FAM20C: variants seen among roughly 807,000 people sequenced by gnomAD.
FAM20C encodes FAM20C golgi associated secretory pathway kinase.
FAM20C carries 40 observed loss-of-function variants against 51.5 expected under a neutral mutation model. The observed-to-expected ratio is 0.78, with a 90% confidence interval of 0.60 to 1.01. The LOEUF (loss-of-function observed/expected upper bound fraction) is 1.01. FAM20C is among the 50% of genes least tolerant of loss of function. The probability of loss-of-function intolerance (pLI) is 0.00; values close to 1 mark genes in which losing one functional copy is unlikely to be tolerated. For missense variants in FAM20C, 861 were observed against 844.7 expected (o/e 1.02, Z -0.24); for synonymous variants, 406 against 380.6 (o/e 1.07, Z -0.78).
chr7:259,556 C>T (rs1193248665), intron 9 of FAM20C, among the ~76,000 whole-genome samples, 175 bp from the exon 10 acceptor site: 2 of 151,642 alleles, frequency 1.3e-5, no homozygotes, highest in Non-Finnish European at 2.9e-5. Flanking sequence ...CTCTTTCTCT[C>T]TGTGTCTCTC....
In FAM20C at chr7:230,379, G is replaced by C. The variant is rs1000190387; in HGVS notation, c.864-16036G>C. On this transcript the variant is annotated intron_variant, in intron 3 of 9. Coordinates refer to ENST00000313766, the MANE Select transcript of FAM20C (RefSeq NM_020223.4). ...CTTGTCCCCAGGACGGGGTGGGGGG[G>C]GGGGGGAACAGATCCCCGTGGCTTA... 1.0e-4 allele frequency among the ~76,000 whole-genome samples: 11 copies of C among 106,354 alleles called. 2 individuals carry two copies. The South Asian group carries it at 1.4e-3, about 13-fold the overall frequency. 69.8% of individuals were successfully genotyped at this position (106,354 alleles called of 152,430 possible).
intron 5 of FAM20C, among the ~76,000 whole-genome samples, chr7:249,915 G>T (rs1296346710): frequency 6.6e-6 from 1 of 152,082 alleles, no homozygotes; most frequent in East Asian, 1.9e-4. Flanking sequence ...GGTCCCCTAT[G>T]TTTCCATCTT....
intron 3 of FAM20C, among the ~76,000 whole-genome samples, chr7:213,404 CCT>C (rs1326381768): frequency 6.6e-6 from 1 of 152,178 alleles, no homozygotes. Context: ...ACTGCGTAGT[CCT>C]TTGTGAGTGA....
chr7:233,586 G>C (rs1787764297), intron 3 of FAM20C, among the ~76,000 whole-genome samples: 1 of 152,166 alleles, frequency 6.6e-6, no homozygotes, highest in Non-Finnish European at 1.5e-5. Context: ...GCTCCTGGAG[G>C]CGCCTGCGTT....
intron 3 of FAM20C, among the ~76,000 whole-genome samples, chr7:218,350 C>T (rs1787099532): frequency 2.0e-5 from 3 of 152,238 alleles, no homozygotes; most frequent in Admixed American, 2.0e-4. Flanking sequence ...AGGGTCCCTC[C>T]GTGTGTCCTG....
At chr7:206,496 C>CAT in intron 2 of FAM20C, among the ~76,000 whole-genome samples, 1 of 151,544 alleles carries the variant, frequency 6.6e-6, no homozygotes, top group South Asian at 2.1e-4. Context: ...GCCCTGCACA[C>CAT]GTGTCCACTG....
At chr7:211,778 G>A (rs1261336432) in intron 3 of FAM20C, among the ~76,000 whole-genome samples, 1 of 152,230 alleles carries the variant, frequency 6.6e-6, no homozygotes, top group East Asian at 1.9e-4. Context: ...CCCGGAAAGG[G>A]AAAGGATACG....
chr7:248,994 A>C (rs959543257), intron 5 of FAM20C, among the ~76,000 whole-genome samples: 2 of 152,246 alleles, frequency 1.3e-5, no homozygotes, highest in Non-Finnish European at 2.9e-5. Flanking sequence ...GCCCACGGAC[A>C]GCTTCAAGGT....
intron 3 of FAM20C, among the ~76,000 whole-genome samples, chr7:226,001 A>T (rs1375726241): frequency 6.6e-6 from 1 of 151,808 alleles, no homozygotes; most frequent in East Asian, 1.9e-4. Flanking sequence ...CTGTCCCCTG[A>T]GCCTTCTCTC....
chr7:249,344 G>A (rs1788305069), intron 5 of FAM20C, among the ~76,000 whole-genome samples: 1 of 152,364 alleles, frequency 6.6e-6, no homozygotes, highest in East Asian at 1.9e-4. Flanking sequence ...AGATGTCTTT[G>A]TTGGTGCTGA....
In FAM20C at chr7:208,942, C is replaced by A; in HGVS notation, c.829C>A (p.Gln277Lys). 6.3e-7 allele frequency: 1 copy of A among 1,585,812 alleles called. No individual in the cohort carries two copies. The highest frequency in any genetic ancestry group is 2.3e-5 in the East Asian group (1 of 43,384). ...GCAGCTGAAGCTCATCATGACCTTCCAGAATTACGGGCAAGCGCTGTTCAA... is the reference window on the plus strand; with the variant it reads ...GCAGCTGAAGCTCATCATGACCTTCAAGAATTACGGGCAAGCGCTGTTCAA... ...GTQLKLIMTF[Q>K]NYGQALFKPM... Residue 277 changes from glutamine to lysine, a missense_variant, in exon 3 of 10, where the codon CAG becomes AAG. Gln to Lys is a moderately conservative substitution (Grantham distance 53). This residue lies in a region of FAM20C where 561 missense variants were observed against 499.8 expected (regional missense o/e 1.12). Transcript: ENST00000313766.
intron 5 of FAM20C, among the ~76,000 whole-genome samples, chr7:251,385 G>A (rs1349298943): frequency 2.0e-5 from 3 of 152,186 alleles, no homozygotes; most frequent in Admixed American, 2.0e-4. Context: ...AGGTCTGGTG[G>A]CATGCATCTG....
At chr7:210,745 G>A (rs1786670837) in intron 3 of FAM20C, among the ~76,000 whole-genome samples, 1 of 152,154 alleles carries the variant, frequency 6.6e-6, no homozygotes, top group Admixed American at 6.5e-5. Context: ...GCGCCAGCTT[G>A]TCCGGCCCCT....
chr7:216,562 C>T (rs1044676860), intron 3 of FAM20C, among the ~76,000 whole-genome samples: 2 of 151,882 alleles, frequency 1.3e-5, no homozygotes, highest in Admixed American at 6.6e-5. Context: ...AATCTTTTCT[C>T]CAGAGACACC....
chr7:243,941 A>ATTATTATTATT lies in FAM20C; in HGVS notation c.864-2474_864-2473insTTATTATTATT, dbSNP rs1554254455. Among the ~76,000 whole-genome samples the ATTATTATTATT allele has an allele frequency of 4.4e-3, 496 of 111,988 alleles. 1 individual carries two copies. Among genetic ancestry groups the ATTATTATTATT allele is most frequent in the African/African-American group, 0.014 (431 of 30,666 alleles). 73.5% of individuals were successfully genotyped at this position (111,988 alleles called of 152,430 possible). On this transcript the variant is annotated intron_variant, in intron 3 of 9. Coordinates refer to ENST00000313766, the MANE Select transcript of FAM20C (RefSeq NM_020223.4). ...AGAAAATAATAATAATAATAATAAT[A>ATTATTATTATT]ATAATTATTATTATTATTATTTGGA...
Position 258,646 on chromosome 7 carries a change from GT to G in FAM20C, c.1449del (p.Phe483LeufsTer39). The G allele has an allele frequency of 6.5e-7, 1 of 1,536,786 alleles. No homozygotes were observed. On this transcript the variant is annotated frameshift_variant and splice_region_variant, in exon 9 of 10. Transcript: ENST00000313766. LOFTEE classifies it high-confidence loss of function. ...GACAATTCTGCTTTTCTTCTGGAAG[GT>G]TTGGGAAGTATTCGCACGACGAGCT... is the stretch of plus-strand genomic sequence containing the variant. ...FIIHLDNGRGFGKYSHDELSI... is the reference protein window; with the variant it reads ...FIIHLDNGRGXGKYSHDELSI...
At chr7:207,575 AC>A (rs1337882449) in intron 2 of FAM20C, among the ~76,000 whole-genome samples, 1 of 151,968 alleles carries the variant, frequency 6.6e-6, no homozygotes, top group African/African-American at 2.4e-5. Flanking sequence ...TCCCCTTTGC[AC>A]CGGAGCAGTC....
intron 3 of FAM20C, among the ~76,000 whole-genome samples, chr7:214,469 C>G (rs1786870230): frequency 6.6e-6 from 1 of 152,210 alleles, no homozygotes; most frequent in Admixed American, 6.5e-5. Context: ...CGTTTGAATG[C>G]TGAAAGCACG....
In FAM20C at chr7:248,268, G is replaced by T. The variant is rs1209939668; in HGVS notation, c.957-47G>T. ...TTTGGAGGCAGGGACACAGAGGCCC[G>T]CTGAGCCGCACAGAGCACAGACCAT... is the stretch of plus-strand genomic sequence containing the variant. On this transcript the variant is annotated intron_variant, in intron 4 of 9. Coordinates refer to ENST00000313766, the MANE Select transcript of FAM20C (RefSeq NM_020223.4). 3.6e-6 allele frequency: 5 copies of T among 1,399,920 alleles called. No homozygotes were observed. The South Asian group carries it at 6.4e-5, about 18-fold the overall frequency. 86.7% of individuals were successfully genotyped at this position (1,399,920 alleles called of 1,614,324 possible).
Sources: allele counts gnomAD v4.1 joint callset (sites outside exome capture counted in the v4.1 genomes callset), GRCh38; gene constraint gnomAD v4.1.1; regional missense constraint gnomAD v4.1.1; transcripts MANE v1.5; gene names NCBI Gene and HGNC (gene_info 2026-07-23, HGNC 2026-07-21).